XKR4: variants seen among roughly 807,000 people sequenced by gnomAD.
XKR4 encodes XK-related protein 4.
XKR4 carries 12 observed loss-of-function variants against 53.9 expected under a neutral mutation model. That is an observed-to-expected ratio of 0.22 (90% confidence interval 0.14 to 0.36). The LOEUF (loss-of-function observed/expected upper bound fraction) is 0.36. XKR4 is among the 10% of genes least tolerant of loss of function. The pLI, the probability that XKR4 is intolerant of heterozygous loss-of-function variation, is 1.00. For synonymous variants in XKR4, 354 were observed against 362.4 expected (o/e 0.98, Z 0.26); for missense variants, 799 against 859.5 (o/e 0.93, Z 0.88).
intron 1 of XKR4, among the ~76,000 whole-genome samples, chr8:55,189,326 G>T (rs554711188): frequency 1.3e-5 from 2 of 152,012 alleles, no homozygotes; most frequent in Non-Finnish European, 2.9e-5. Context: ...CTTAAGAAAC[G>T]TCTGCCGAGG....
At chr8:55,420,999 A>G (rs994391070) in intron 2 of XKR4, among the ~76,000 whole-genome samples, 1 of 152,206 alleles carries the variant, frequency 6.6e-6, no homozygotes, top group Non-Finnish European at 1.5e-5. Context: ...GGAATAACCT[A>G]GCAAGTGCTA....
chr8:55,265,912 G>A (rs899618954), intron 1 of XKR4, among the ~76,000 whole-genome samples: 3 of 151,850 alleles, frequency 2.0e-5, no homozygotes. Context: ...TTGAACCTGG[G>A]AGGCAGAGGT....
intron 1 of XKR4, among the ~76,000 whole-genome samples, chr8:55,196,607 T>A (rs1389601007): frequency 6.6e-6 from 1 of 152,240 alleles, no homozygotes; most frequent in Non-Finnish European, 1.5e-5. Flanking sequence ...AGAGAAAATG[T>A]CATATGGGGA....
At chr8:55,269,097 A>T (rs1265324495) in intron 1 of XKR4, among the ~76,000 whole-genome samples, 1 of 152,308 alleles carries the variant, frequency 6.6e-6, no homozygotes, top group Non-Finnish European at 1.5e-5. Flanking sequence ...AGTAGGATTG[A>T]CAGGAACCAA....
chr8:55,406,907 T>C (rs1172736857), intron 2 of XKR4, among the ~76,000 whole-genome samples: 1 of 152,220 alleles, frequency 6.6e-6, no homozygotes, highest in African/African-American at 2.4e-5. Flanking sequence ...GGAATCATTA[T>C]TAGCTAACAT....
chr8:55,378,267 C>A (rs528437913), intron 2 of XKR4, among the ~76,000 whole-genome samples: 1 of 152,164 alleles, frequency 6.6e-6, no homozygotes, highest in Non-Finnish European at 1.5e-5. Context: ...GCCAAAAAAG[C>A]AAGTTCTTAA....
At chr8:55,292,058 G>A (rs1325985927) in intron 1 of XKR4, among the ~76,000 whole-genome samples, 1 of 152,006 alleles carries the variant, frequency 6.6e-6, no homozygotes, top group African/African-American at 2.4e-5. Context: ...ATTTTTATAT[G>A]TATTGCTTAA....
chr8:55,463,736 A>C (rs947870707), intron 2 of XKR4, among the ~76,000 whole-genome samples: 12 of 152,234 alleles, frequency 7.9e-5, no homozygotes, highest in African/African-American at 2.4e-4. Context: ...TAGCAAGACT[A>C]ATAAAGAAGA....
At chr8:55,375,462 T>C (rs943102856) in intron 2 of XKR4, among the ~76,000 whole-genome samples, 14 of 152,092 alleles carry the variant, frequency 9.2e-5, no homozygotes, top group Non-Finnish European at 1.9e-4. Flanking sequence ...TGAGGTGAAA[T>C]GTTACCTCTT....
At position 55,154,387 on chromosome 8, in the gene XKR4, T is replaced by G. The variant is rs143560993; in HGVS notation, c.806+51093T>G. Among the ~76,000 whole-genome samples, 597 of 152,300 alleles carry G rather than the reference T, an allele frequency of 3.9e-3. 7 individuals are homozygous for G. Among genetic ancestry groups the G allele is most frequent in the Non-Finnish European group, 3.6e-3 (244 of 68,022 alleles). ...CTTTCCATATAATATCAATCATATG[T>G]TTTACAAACTTGAAGCCTAGCGAGA... On this transcript the variant is annotated intron_variant, in intron 1 of 2. Transcript: ENST00000327381.
chr8:55,397,246 T>C (rs562035649), intron 2 of XKR4, among the ~76,000 whole-genome samples: 2 of 152,358 alleles, frequency 1.3e-5, no homozygotes, highest in East Asian at 3.9e-4. Flanking sequence ...GCAGACTCTG[T>C]GTTTGCGTAA....
intron 1 of XKR4, among the ~76,000 whole-genome samples, chr8:55,112,900 A>G (rs1438338377): frequency 2.0e-5 from 3 of 152,164 alleles, no homozygotes; most frequent in African/African-American, 4.8e-5. Flanking sequence ...ATTTGTTATT[A>G]TAACATAAAT....
In XKR4 at chr8:55,536,244, G is replaced by T. The variant is rs906041350; in HGVS notation, c.*12017G>T. The T allele has an allele frequency of 1.3e-5, 2 of 152,176 alleles. No homozygotes were observed. The highest frequency in any genetic ancestry group is 2.9e-5 in the Non-Finnish European group (2 of 68,008). The allele number at this position is 152,176 out of a possible 1,614,324, so 9.4% of individuals were successfully genotyped here. On this transcript the variant is annotated 3_prime_UTR_variant, in exon 3 of 3. Coordinates refer to ENST00000327381, the MANE Select transcript of XKR4 (RefSeq NM_052898.2). Reference sequence around the variant, plus strand: ...ATTTTCAGAATAATGGAGGTGGAAAGAAATGAACAGTTAAGCAATTTTTCA... The same window carrying T: ...ATTTTCAGAATAATGGAGGTGGAAATAAATGAACAGTTAAGCAATTTTTCA...
At chr8:55,434,723 T>C (rs908879808) in intron 2 of XKR4, among the ~76,000 whole-genome samples, 1 of 152,212 alleles carries the variant, frequency 6.6e-6, no homozygotes, top group Non-Finnish European at 1.5e-5. Flanking sequence ...CTCAGTGTGG[T>C]AAAGATTAAT....
At chr8:55,320,492 G>C (rs934882731) in intron 1 of XKR4, among the ~76,000 whole-genome samples, 2 of 152,158 alleles carry the variant, frequency 1.3e-5, no homozygotes, top group East Asian at 3.8e-4. Context: ...AGGGTAGAAG[G>C]GGGAGAAAGT....
intron 1 of XKR4, among the ~76,000 whole-genome samples, chr8:55,183,954 C>T (rs956855437): frequency 6.6e-6 from 1 of 152,112 alleles, no homozygotes; most frequent in Non-Finnish European, 1.5e-5. Flanking sequence ...CCTTTCCCCT[C>T]CCCCTGCCAG....
At chr8:55,504,109 A>T (rs1055799626) in intron 2 of XKR4, among the ~76,000 whole-genome samples, 4 of 152,142 alleles carry the variant, frequency 2.6e-5, no homozygotes, top group Non-Finnish European at 5.9e-5. Flanking sequence ...GCAGTTTGCC[A>T]GTATTTTGTT....
At chr8:55,311,015 T>C (rs1055810460) in intron 1 of XKR4, among the ~76,000 whole-genome samples, 1 of 152,170 alleles carries the variant, frequency 6.6e-6, no homozygotes, top group African/African-American at 2.4e-5. Context: ...TTAAGGGCAG[T>C]CCACACTCGC....
chr8:55,238,214 G>A (rs571550409), intron 1 of XKR4, among the ~76,000 whole-genome samples: 26 of 152,228 alleles, frequency 1.7e-4, no homozygotes, highest in African/African-American at 5.5e-4. Flanking sequence ...ACAGCTATGC[G>A]CCAAGAGGCC....
Sources: allele counts gnomAD v4.1 joint callset (sites outside exome capture counted in the v4.1 genomes callset), GRCh38; gene constraint gnomAD v4.1.1; transcripts MANE v1.5; gene names NCBI Gene and HGNC (gene_info 2026-07-23, HGNC 2026-07-21).